PPP2R2C: variants seen among roughly 807,000 people sequenced by gnomAD.
The protein encoded by PPP2R2C is protein phosphatase 2, regulatory subunit B, gamma.
Under a neutral mutation model 45.3 loss-of-function variants are expected in PPP2R2C, and 10 were observed. The ratio of observed to expected loss-of-function variants is 0.22; its 90% CI spans 0.14 to 0.37. The LOEUF is 0.37. PPP2R2C is among the 10% of genes least tolerant of loss of function. The pLI is 1.00. For missense variants in PPP2R2C, 308 were observed against 619.7 expected, an observed-to-expected ratio of 0.50 and a Z score of 5.34; for synonymous variants, 257 against 245.4, an observed-to-expected ratio of 1.05 and a Z score of -0.44.
Position 6,373,900 on chromosome 4 carries a change from C to CGTGTGTGTGTGTGT in PPP2R2C, c.448-1201_448-1200insACACACACACACAC, listed in dbSNP as rs1560492609. Among the ~76,000 whole-genome samples, 180 of 123,886 alleles carry CGTGTGTGTGTGTGT rather than the reference C, an allele frequency of 1.5e-3. 1 individual carries two copies. The highest frequency in any genetic ancestry group is 4.4e-3 in the Admixed American group (51 of 11,710). 81.3% of individuals were successfully genotyped at this position (123,886 alleles called of 152,430 possible). On this transcript the variant is annotated intron_variant, in intron 4 of 8. Transcript: ENST00000382599. ...GACTGAGTATACGTGTATGTGCATG[C>CGTGTGTGTGTGTGT]ATGTGTGTGTGTGTGTGTGTGTGTG...
At chr4:6,459,912 A>G (rs771394425) in intron 1 of PPP2R2C, among the ~76,000 whole-genome samples, 4 of 152,172 alleles carry the variant, frequency 2.6e-5, no homozygotes, top group African/African-American at 7.2e-5. Flanking sequence ...CATCAGGAAA[A>G]GTTGACATTA....
intron 5 of PPP2R2C, among the ~76,000 whole-genome samples, chr4:6,358,519 CAA>C (rs74576376): frequency 0.048 from 6,415 of 132,664 alleles, 217 homozygotes; most frequent in African/African-American, 0.12. Flanking sequence ...TTCTGCACAG[CAA>C]AAAAAAAAAA....
intron 5 of PPP2R2C, among the ~76,000 whole-genome samples, chr4:6,353,118 G>A (rs1241111557): frequency 6.6e-6 from 1 of 152,038 alleles, no homozygotes; most frequent in Admixed American, 6.5e-5. Flanking sequence ...CCAGGACGGT[G>A]AGAATATATC....
At chr4:6,384,214 G>A (rs551981318) in intron 1 of PPP2R2C, 46 of 985,450 alleles carry the variant, frequency 4.7e-5, no homozygotes, top group South Asian at 2.3e-4. Context: ...TAGGGTCCCC[G>A]ATGGGGCGCT....
chr4:6,554,887 A>AAAGG (rs1185835295), intron 1 of PPP2R2C, among the ~76,000 whole-genome samples: 66 of 106,064 alleles, frequency 6.2e-4, no homozygotes, highest in South Asian at 1.5e-3. Context: ...AAAGAAAAAG[A>AAAGG]AAGGAAGGAA....
At chr4:6,386,091 C>T (rs1716187020) in intron 1 of PPP2R2C, among the ~76,000 whole-genome samples, 1 of 152,248 alleles carries the variant, frequency 6.6e-6, no homozygotes, top group South Asian at 2.1e-4. Context: ...AACTCTCTCA[C>T]AGATAACTAT....
In PPP2R2C at chr4:6,331,806, G is replaced by A. The variant is rs1326009264; in HGVS notation, c.960+1756C>T. On this transcript the variant is annotated intron_variant, in intron 7 of 8. Coordinates refer to ENST00000382599, the MANE Select transcript of PPP2R2C (RefSeq NM_020416.4). This position sits in a 1 kb window ranked among gnomAD's most constrained non-coding sequence, Gnocchi z 5.9. ...GGTCATGGAGCCCCCCCACCTTCCTGGACTGCCCTCTCCAGACTCCCTGTT... is the reference window on the plus strand; with the variant it reads ...GGTCATGGAGCCCCCCCACCTTCCTAGACTGCCCTCTCCAGACTCCCTGTT... Among the ~76,000 whole-genome samples, 2 of 152,050 alleles carry A rather than the reference G, an allele frequency of 1.3e-5. No homozygotes were observed. The highest frequency in any genetic ancestry group is 2.9e-5 in the Non-Finnish European group (2 of 68,024).
chr4:6,444,966 C>G (rs930166705), intron 1 of PPP2R2C, among the ~76,000 whole-genome samples: 4 of 152,176 alleles, frequency 2.6e-5, no homozygotes, highest in Non-Finnish European at 5.9e-5. Flanking sequence ...AGGTGGATCC[C>G]TTCAGCCTAG....
intron 2 of PPP2R2C, among the ~76,000 whole-genome samples, chr4:6,500,832 A>G (rs575196067): frequency 1.3e-5 from 2 of 152,140 alleles, no homozygotes; most frequent in Admixed American, 1.3e-4. Flanking sequence ...ATTATCTAAA[A>G]CCCTGCAGGG....
intron 1 of PPP2R2C, chr4:6,382,915 T>C: frequency 2.8e-6 from 3 of 1,089,188 alleles, no homozygotes; most frequent in Non-Finnish European, 3.4e-6. Flanking sequence ...GCTCCCATTG[T>C]GTACTCAGAG....
intron 1 of PPP2R2C, among the ~76,000 whole-genome samples, chr4:6,433,860 A>C (rs944899865): frequency 6.6e-6 from 1 of 152,162 alleles, no homozygotes; most frequent in African/African-American, 2.4e-5. Flanking sequence ...CAGGGTTCGA[A>C]CTCGAACAGC....
chr4:6,512,536 ATGGTGGTGATGGTGGTGATGGTGG>A, intron 2 of PPP2R2C, among the ~76,000 whole-genome samples: 1 of 17,506 alleles, frequency 5.7e-5, no homozygotes, highest in Non-Finnish European at 1.0e-4. Context: ...GGTGATGGTG[ATGGTGGTGATGGTGGTGATGGTGG>A]TGGTGGTGGT....
chr4:6,334,850 G>A (rs1424238698), intron 6 of PPP2R2C, among the ~76,000 whole-genome samples: 1 of 152,170 alleles, frequency 6.6e-6, no homozygotes, highest in Non-Finnish European at 1.5e-5. Flanking sequence ...ACAGCACCCT[G>A]AGGCTCCCGA....
chr4:6,355,033 T>C (rs1052288564), intron 5 of PPP2R2C, among the ~76,000 whole-genome samples: 2 of 152,230 alleles, frequency 1.3e-5, no homozygotes, highest in African/African-American at 4.8e-5. Context: ...TTTTACCTTG[T>C]TTAATTATAG....
At chr4:6,518,922 T>TAAAAAAAAAAAAAAAAAAAAAAAAAAA (rs56002128) in intron 2 of PPP2R2C, among the ~76,000 whole-genome samples, 15 of 92,900 alleles carry the variant, frequency 1.6e-4, no homozygotes, top group African/African-American at 5.6e-4. Flanking sequence ...GACTCTGTCT[T>TAAAAAAAAAAAAAAAAAAAAAAAAAAA]AAAAAAAAAA....
chr4:6,398,341 G>T lies in PPP2R2C; in HGVS notation c.71-17247C>A, dbSNP rs531113488. On this transcript the variant is annotated intron_variant, in intron 1 of 8. Coordinates refer to ENST00000382599, the MANE Select transcript of PPP2R2C (RefSeq NM_020416.4). Reference sequence around the variant, plus strand: ...AGGCATGGAATGAGAGAAAATATTCGTAGTACATGTATCTAGTAAACCTCT... The same window carrying T: ...AGGCATGGAATGAGAGAAAATATTCTTAGTACATGTATCTAGTAAACCTCT... Among the ~76,000 whole-genome samples the T allele has an allele frequency of 1.9e-3, 288 of 152,062 alleles. 1 individual carries two copies. The highest frequency in any genetic ancestry group is 6.3e-3 in the African/African-American group (263 of 41,478).
intron 1 of PPP2R2C, among the ~76,000 whole-genome samples, chr4:6,546,283 C>T (rs1473750405): frequency 6.6e-6 from 1 of 152,186 alleles, no homozygotes; most frequent in Admixed American, 6.5e-5. Flanking sequence ...TTGGACATCA[C>T]ATCTCCTGAC....
chr4:6,331,903 C>G lies in PPP2R2C; in HGVS notation c.960+1659G>C, dbSNP rs1275113276. Among the ~76,000 whole-genome samples the G allele has an allele frequency of 3.3e-5, 5 of 152,220 alleles. No homozygotes were observed. The highest frequency in any genetic ancestry group is 7.3e-5 in the Non-Finnish European group (5 of 68,046). On this transcript the variant is annotated intron_variant, in intron 7 of 8. Transcript: ENST00000382599. The surrounding 1 kb of genome is among the most constrained non-coding windows in gnomAD (Gnocchi z 5.9). Reference sequence around the variant, plus strand: ...AACGCAGTCCTGCTACACACAATTTCTAGCACATCACAAGCCACCAAAAAA... The same window carrying G: ...AACGCAGTCCTGCTACACACAATTTGTAGCACATCACAAGCCACCAAAAAA...
chr4:6,485,568 A>G (rs1722504291), intron 2 of PPP2R2C, among the ~76,000 whole-genome samples: 1 of 151,822 alleles, frequency 6.6e-6, no homozygotes, highest in South Asian at 2.1e-4. Flanking sequence ...ACTACTCAGG[A>G]TATCTATTTC....
Sources: gnomAD v4.1 joint callset for allele counts (sites outside exome capture counted in the v4.1 genomes callset) on GRCh38, gnomAD v4.1.1 for gene constraint, Gnocchi (gnomAD v3.1) non-coding constraint, MANE v1.5 for transcripts, NCBI Gene and HGNC (gene_info 2026-07-23, HGNC 2026-07-21) for gene names.